Variants in SCFD2 observed in about 807,000 individuals in gnomAD.
The protein encoded by SCFD2 is sec1 family domain-containing protein 2.
In SCFD2, 54 loss-of-function variants were observed where a neutral mutation model predicts 58.9. The ratio of observed to expected loss-of-function variants is 0.92; its 90% confidence interval spans 0.74 to 1.15. The LOEUF (loss-of-function observed/expected upper bound fraction) is 1.15. Among genes scored for constraint, SCFD2 ranks in the 50% most tolerant of loss-of-function variants. The probability of loss-of-function intolerance (pLI) is 0.00; values close to 1 mark genes in which losing one functional copy is unlikely to be tolerated. For synonymous variants in SCFD2, 321 were observed against 335.9 expected, an observed-to-expected ratio of 0.96 and a Z score of 0.49; for missense variants, 805 against 836.6, an observed-to-expected ratio of 0.96 and a Z score of 0.47.
intron 4 of SCFD2, among the ~76,000 whole-genome samples, chr4:53,158,524 TCCCTTG>T (rs1211061504): frequency 2.0e-5 from 3 of 152,092 alleles, no homozygotes; most frequent in African/African-American, 7.2e-5. Flanking sequence ...ACCAGAATTC[TCCCTTG>T]CCCCTGCCAC....
chr4:53,139,577 G>A (rs527250330), intron 5 of SCFD2, among the ~76,000 whole-genome samples: 34 of 148,866 alleles, frequency 2.3e-4, no homozygotes, highest in African/African-American at 7.0e-4. Context: ...CAGCCGCCCC[G>A]TCCGGGAGGT....
intron 2 of SCFD2, among the ~76,000 whole-genome samples, chr4:53,316,051 G>T (rs143549272): frequency 6.6e-6 from 1 of 152,200 alleles, no homozygotes; most frequent in Non-Finnish European, 1.5e-5. Context: ...TCTCCCTCCA[G>T]GTATCTGCTA....
At position 53,012,508 on chromosome 4, in the gene SCFD2, G is replaced by T. The variant is rs147951994; in HGVS notation, c.1562-91638C>A. 3.4e-3 allele frequency among the ~76,000 whole-genome samples: 516 copies of T among 152,194 alleles called. 13 individuals are homozygous for T. The highest frequency in any genetic ancestry group is 0.032 in the Admixed American group (487 of 15,282). On this transcript the variant is annotated intron_variant, in intron 5 of 8. Transcript: ENST00000401642. The stretch of plus-strand genomic sequence containing the variant: ...GAACCCAGGGCTGGCTATTTGGTCC[G>T]AGGGGCCACTCTCATGGCCTGTTTG...
chr4:53,170,762 A>G (rs557534972), intron 4 of SCFD2, among the ~76,000 whole-genome samples: 2 of 152,198 alleles, frequency 1.3e-5, no homozygotes, highest in South Asian at 4.2e-4. Flanking sequence ...CTTGGATAAA[A>G]TTATTCCTAG....
At chr4:53,163,818 G>T (rs1272862525) in intron 4 of SCFD2, among the ~76,000 whole-genome samples, 1 of 152,184 alleles carries the variant, frequency 6.6e-6, no homozygotes, top group Non-Finnish European at 1.5e-5. Context: ...TGGCTTGATG[G>T]TAGTTTGGCA....
chr4:53,063,118 G>A (rs1018894289), intron 5 of SCFD2, among the ~76,000 whole-genome samples: 26 of 152,068 alleles, frequency 1.7e-4, no homozygotes, highest in Non-Finnish European at 2.9e-5. Context: ...AAAAATAGGA[G>A]CTTAGCATAT....
intron 5 of SCFD2, among the ~76,000 whole-genome samples, chr4:53,077,129 A>C (rs1249784042): frequency 1.3e-5 from 2 of 152,172 alleles, no homozygotes; most frequent in Non-Finnish European, 2.9e-5. Flanking sequence ...TATGAGCCTA[A>C]GTGTGATCAC....
chr4:53,339,303 A>G, intron 2 of SCFD2, among the ~76,000 whole-genome samples: 1 of 151,438 alleles, frequency 6.6e-6, no homozygotes, highest in East Asian at 1.9e-4. Flanking sequence ...GTAGATTGAG[A>G]TAAGTTATTA....
chr4:52,912,765 G>A (rs1205659387), intron 6 of SCFD2, among the ~76,000 whole-genome samples: 1 of 152,168 alleles, frequency 6.6e-6, no homozygotes, highest in Non-Finnish European at 1.5e-5. Context: ...AGAATGAACT[G>A]CTTGGCAATG....
rs753955275 is a variant in SCFD2, at chr4:53,348,745, C to CA, written c.1007+3852dup. ...TTTTTTTTTTTTTGAGACAGGGTCT[C>CA]ACTCTATTGCCCAGGCTGGAGTGCC... is the stretch of plus-strand genomic sequence containing the variant. On this transcript the variant is annotated intron_variant, in intron 2 of 8. Coordinates refer to ENST00000401642, the MANE Select transcript of SCFD2 (RefSeq NM_152540.4). Among the ~76,000 whole-genome samples, 13 of 149,530 alleles carry CA rather than the reference C, an allele frequency of 8.7e-5. 1 individual carries two copies. The highest frequency in any genetic ancestry group is 4.2e-4 in the South Asian group (2 of 4,722).
At chr4:52,992,134 C>T (rs1480081098) in intron 5 of SCFD2, among the ~76,000 whole-genome samples, 1 of 152,200 alleles carries the variant, frequency 6.6e-6, no homozygotes, top group Non-Finnish European at 1.5e-5. Context: ...CTGCCTGATT[C>T]TCCTGCCTCA....
chr4:52,987,230 G>A (rs955769120), intron 5 of SCFD2, among the ~76,000 whole-genome samples: 1 of 150,986 alleles, frequency 6.6e-6, no homozygotes, highest in South Asian at 2.1e-4. Flanking sequence ...GGGTTTCACC[G>A]TGGTCACGAT....
intron 4 of SCFD2, among the ~76,000 whole-genome samples, chr4:53,175,566 T>C (rs1577803978): frequency 6.6e-6 from 1 of 152,206 alleles, no homozygotes; most frequent in Non-Finnish European, 1.5e-5. Context: ...ATGAATCAGA[T>C]TTATATCTGT....
At chr4:53,352,083 TA>T (rs1210685603) in intron 2 of SCFD2, among the ~76,000 whole-genome samples, 4 of 152,230 alleles carry the variant, frequency 2.6e-5, no homozygotes, top group Non-Finnish European at 5.9e-5. Flanking sequence ...TCTTATTTTT[TA>T]AACTCTGCAT....
chr4:52,942,756 C>G (rs547381531), intron 5 of SCFD2, among the ~76,000 whole-genome samples: 1 of 152,194 alleles, frequency 6.6e-6, no homozygotes, highest in African/African-American at 2.4e-5. Flanking sequence ...GGACTAAGGT[C>G]CAGGGAGAAA....
At chr4:52,875,110 C>T (rs996668021) in intron 8 of SCFD2, among the ~76,000 whole-genome samples, 6 of 152,162 alleles carry the variant, frequency 3.9e-5, no homozygotes, top group East Asian at 3.9e-4. Flanking sequence ...ATACAGTCAG[C>T]GGCTGAGTCA....
intron 5 of SCFD2, among the ~76,000 whole-genome samples, chr4:53,109,448 G>C (rs1725103291): frequency 6.6e-6 from 1 of 152,198 alleles, no homozygotes; most frequent in South Asian, 2.1e-4. Flanking sequence ...CAGATGACAT[G>C]ATTGTATATT....
chr4:53,266,908 T>C (rs1731001552), intron 4 of SCFD2, among the ~76,000 whole-genome samples: 1 of 152,336 alleles, frequency 6.6e-6, no homozygotes, highest in Non-Finnish European at 1.5e-5. Flanking sequence ...AAAAGGTTTC[T>C]CTTTTAAGCA....
intron 6 of SCFD2, among the ~76,000 whole-genome samples, chr4:52,915,091 C>T (rs1719571924): frequency 6.6e-6 from 1 of 152,180 alleles, no homozygotes; most frequent in South Asian, 2.1e-4. Context: ...TCAGGAAAAG[C>T]AGTGAGTATA....
Sources: gnomAD v4.1 joint callset for allele counts (sites outside exome capture counted in the v4.1 genomes callset) on GRCh38, gnomAD v4.1.1 for gene constraint, MANE v1.5 for transcripts, NCBI Gene and HGNC (gene_info 2026-07-23, HGNC 2026-07-21) for gene names.